SPATA17: variants seen among roughly 807,000 people sequenced by gnomAD.
SPATA17 encodes the protein spermatogenesis-associated protein 17.
A neutral mutation model predicts 62.2 loss-of-function variants in SPATA17; 53 were observed. The observed-to-expected ratio is 0.85, with a 90% CI of 0.68 to 1.07. SPATA17 has a LOEUF of 1.07. Ranked by LOEUF, SPATA17 falls within the 50% of genes least tolerant of loss-of-function variation. SPATA17 has a pLI of 0.00. For missense variants in SPATA17, 466 were observed against 425.5 expected, an observed-to-expected ratio of 1.10 and a Z score of -0.84; for synonymous variants, 146 against 146.8, an observed-to-expected ratio of 0.99 and a Z score of 0.04.
intron 5 of SPATA17, among the ~76,000 whole-genome samples, chr1:217,697,020 C>A (rs1671475183): frequency 1.3e-5 from 2 of 152,172 alleles, no homozygotes; most frequent in South Asian, 2.1e-4. Context: ...TTTTTGTATT[C>A]TTTTGTTTGA....
chr1:217,673,967 C>A (rs1020901583), intron 4 of SPATA17, among the ~76,000 whole-genome samples: 2 of 152,006 alleles, frequency 1.3e-5, no homozygotes, highest in Non-Finnish European at 2.9e-5. Flanking sequence ...ATTGGCTGAC[C>A]CCATCCAGGA....
At chr1:217,687,672 T>C (rs1309734195) in intron 5 of SPATA17, among the ~76,000 whole-genome samples, 1 of 152,174 alleles carries the variant, frequency 6.6e-6, no homozygotes, top group African/African-American at 2.4e-5. Flanking sequence ...CTATACTATC[T>C]AGGTTTATGT....
rs149437693 is a variant in SPATA17, at chr1:217,667,048, C to G, written c.241-1985C>G. ...TTTTTGGAATTTTACTTTTTTTTTT[C>G]TTTTTTTTTTTTTTTTTGTGACGGA... On this transcript the variant is annotated intron_variant, in intron 3 of 10. Transcript: ENST00000366933. Among the ~76,000 whole-genome samples, 66 of 115,538 alleles carry G rather than the reference C, an allele frequency of 5.7e-4. 1 individual carries two copies. The East Asian group carries it at 0.015, about 26-fold the overall frequency. 75.8% of individuals were successfully genotyped at this position (115,538 alleles called of 152,430 possible).
At chr1:217,668,921 A>T in intron 3 of SPATA17, 112 bp from the exon 4 acceptor site, 1 of 924,430 alleles carries the variant, frequency 1.1e-6, no homozygotes, top group Non-Finnish European at 1.7e-6. Flanking sequence ...TTCTAAGGCT[A>T]GAACTCTTAT....
At chr1:217,811,160 A>G (rs1420259609) in intron 9 of SPATA17, among the ~76,000 whole-genome samples, 2 of 152,016 alleles carry the variant, frequency 1.3e-5, no homozygotes, top group African/African-American at 2.4e-5. Context: ...CAGCCTCCCA[A>G]ATAGCTGGGA....
At chr1:217,821,022 C>T (rs971077851) in intron 9 of SPATA17, among the ~76,000 whole-genome samples, 1 of 151,980 alleles carries the variant, frequency 6.6e-6, no homozygotes, top group Non-Finnish European at 1.5e-5. Flanking sequence ...AGGGGCATCC[C>T]AATTAATCCA....
At chr1:217,768,346 C>A (rs1224039435) in intron 6 of SPATA17, among the ~76,000 whole-genome samples, 1 of 152,174 alleles carries the variant, frequency 6.6e-6, no homozygotes, top group East Asian at 1.9e-4. Context: ...TCTTTACAAG[C>A]TCATCGCTAA....
intron 8 of SPATA17, among the ~76,000 whole-genome samples, chr1:217,791,137 T>G (rs1673988417): frequency 6.6e-6 from 1 of 152,212 alleles, no homozygotes; most frequent in Non-Finnish European, 1.5e-5. Flanking sequence ...CAGAGCCTTT[T>G]TAAGTTAAAA....
chr1:217,808,069 A>G (rs1674482771), intron 9 of SPATA17, among the ~76,000 whole-genome samples: 1 of 152,198 alleles, frequency 6.6e-6, no homozygotes, highest in African/African-American at 2.4e-5. Context: ...AAAGAGCCAT[A>G]CGTTCTATAT....
intron 10 of SPATA17, among the ~76,000 whole-genome samples, chr1:217,863,593 C>G (rs115998012): frequency 6.6e-6 from 1 of 151,946 alleles, no homozygotes; most frequent in African/African-American, 2.4e-5. Context: ...AAGTGTCTTA[C>G]AATACCAAAG....
chr1:217,752,836 C>A (rs1421196920), intron 6 of SPATA17, among the ~76,000 whole-genome samples: 3 of 150,882 alleles, frequency 2.0e-5, no homozygotes, highest in African/African-American at 7.3e-5. Context: ...AGCCCCTGGC[C>A]CTGCTCCTTC....
At chr1:217,663,359 C>A (rs1004105836) in intron 3 of SPATA17, among the ~76,000 whole-genome samples, 3 of 151,584 alleles carry the variant, frequency 2.0e-5, no homozygotes, top group Non-Finnish European at 4.4e-5. Context: ...ACGGGAGAAT[C>A]GCTTGAACCT....
chr1:217,720,284 G>A (rs999402120), intron 5 of SPATA17, among the ~76,000 whole-genome samples: 4 of 152,192 alleles, frequency 2.6e-5, no homozygotes, highest in African/African-American at 9.7e-5. Flanking sequence ...TGTTGATTCT[G>A]CAATGAGGTG....
Position 217,868,664 on chromosome 1 carries a change from G to GTTT in SPATA17, c.*1669_*1671dup, listed in dbSNP as rs34123629. On this transcript the variant is annotated 3_prime_UTR_variant, in exon 11 of 11. Transcript: ENST00000366933. ...TAAACCAGAAAGTATCTGAGACAAT[G>GTTT]TTTTTTTTTTTTTTTTTTTTTTTTT... 1 of 88,226 alleles carries GTTT rather than the reference G, an allele frequency of 1.1e-5. No homozygotes were observed. The highest frequency in any genetic ancestry group is 4.1e-4 in the East Asian group (1 of 2,466). The allele number at this position is 88,226 out of a possible 1,614,324, so 5.5% of individuals were successfully genotyped here. A position where few individuals can be genotyped will look rare whatever the true frequency, so the allele number is the denominator to read the frequency against.
At chr1:217,751,668 A>G (rs977929738) in intron 6 of SPATA17, among the ~76,000 whole-genome samples, 2 of 152,338 alleles carry the variant, frequency 1.3e-5, no homozygotes, top group South Asian at 4.1e-4. Flanking sequence ...AGACAGAGTG[A>G]AGTGGTTTTA....
chr1:217,734,010 A>G (rs898889761), intron 5 of SPATA17, among the ~76,000 whole-genome samples: 2 of 152,190 alleles, frequency 1.3e-5, no homozygotes, highest in African/African-American at 4.8e-5. Context: ...TAAGGTAGAT[A>G]AAGTAAGTGG....
intron 2 of SPATA17, among the ~76,000 whole-genome samples, chr1:217,650,182 G>A (rs146386625): frequency 1.3e-5 from 2 of 151,612 alleles, no homozygotes; most frequent in Admixed American, 1.3e-4. Context: ...CAGGTGATCC[G>A]CCCGCCTTGG....
Position 217,715,199 on chromosome 1 carries a change from A to G in SPATA17, c.396-26776A>G, listed in dbSNP as rs527328128. Among the ~76,000 whole-genome samples the G allele has an allele frequency of 4.3e-4, 65 of 152,324 alleles. 1 individual carries two copies. The highest frequency in any genetic ancestry group is 1.5e-3 in the African/African-American group (62 of 41,576). ...TTATATGTTTAAAATCAGAAGTTAA[A>G]AGGCTATCATCAAATTTTAAAAAAT... On this transcript the variant is annotated intron_variant, in intron 5 of 10. Transcript: ENST00000366933.
chr1:217,726,804 A>G (rs1183646902), intron 5 of SPATA17, among the ~76,000 whole-genome samples: 1 of 151,816 alleles, frequency 6.6e-6, no homozygotes, highest in Non-Finnish European at 1.5e-5. Flanking sequence ...TCCACACATT[A>G]TTACTACAAT....
Sources: gnomAD v4.1 joint callset for allele counts (sites outside exome capture counted in the v4.1 genomes callset) on GRCh38, gnomAD v4.1.1 for gene constraint, MANE v1.5 for transcripts, NCBI Gene and HGNC (gene_info 2026-07-23, HGNC 2026-07-21) for gene names.